Variants in TRIM69 observed in about 807,000 individuals in gnomAD.
TRIM69 encodes the protein tripartite motif containing 69, also known as E3 ubiquitin-protein ligase TRIM69.
In TRIM69, 29 loss-of-function variants were observed where a neutral mutation model predicts 37.7. That is an observed-to-expected ratio of 0.77 (90% CI 0.57 to 1.05). The LOEUF (loss-of-function observed/expected upper bound fraction) is 1.05, where lower values mean the gene tolerates loss of function less well. TRIM69 is among the 50% of genes least tolerant of loss of function. The probability of loss-of-function intolerance (pLI) is 0.00; values close to 1 mark genes in which losing one functional copy is unlikely to be tolerated. For synonymous variants in TRIM69, 209 were observed against 212.4 expected, an observed-to-expected ratio of 0.98 and a Z score of 0.14; for missense variants, 596 against 579.9, an observed-to-expected ratio of 1.03 and a Z score of -0.28.
chr15:44,755,277 A>G lies in TRIM69; in HGVS notation c.384A>G (p.Pro128=), dbSNP rs762294525. ...HGENLKLFSK[P]DGKLICFQCK... The stretch of plus-strand genomic sequence containing the variant: ...AGAACCTGAAACTGTTCAGTAAACC[A>G]GATGGGAAACTGATCTGCTTTCAAT... Residue 128 remains proline (P), a synonymous_variant, in exon 2 of 7, where the codon CCA becomes CCG. Transcript: ENST00000329464. The G allele has an allele frequency of 1.9e-6, 3 of 1,614,222 alleles. No individual in the cohort carries two copies. In the South Asian group the frequency reaches 3.3e-5, roughly 18 times the overall value.
At chr15:44,764,542 C>T (rs2087847613) in intron 6 of TRIM69, among the ~76,000 whole-genome samples, 1 of 152,242 alleles carries the variant, frequency 6.6e-6, no homozygotes, top group East Asian at 1.9e-4. Flanking sequence ...ATATTTTAGG[C>T]CTTGCAGGTG....
At chr15:44,750,033 T>C (rs2087486474) in intron 1 of TRIM69, among the ~76,000 whole-genome samples, 1 of 152,236 alleles carries the variant, frequency 6.6e-6, no homozygotes, top group African/African-American at 2.4e-5. Context: ...CTTCTTTGCA[T>C]AATTGTCTAT....
intron 1 of TRIM69, among the ~76,000 whole-genome samples, chr15:44,748,825 CAA>C (rs375092348): frequency 3.9e-3 from 444 of 114,208 alleles, no homozygotes; most frequent in Middle Eastern, 0.014. Context: ...GACTTTGTCT[CAA>C]AAAAAAAAAA....
chr15:44,755,457 C>T, intron 2 of TRIM69, 81 bp downstream of exon 2: 1 of 1,015,204 alleles, frequency 9.9e-7, no homozygotes, highest in Non-Finnish European at 1.5e-6. Flanking sequence ...TCTTCCAACC[C>T]CATCCCTTTA....
At chr15:44,759,190 T>C (rs2087720582) in intron 4 of TRIM69, among the ~76,000 whole-genome samples, 1 of 152,240 alleles carries the variant, frequency 6.6e-6, no homozygotes, top group Non-Finnish European at 1.5e-5. Flanking sequence ...TCTTTGGCTC[T>C]CAGCAATCAT....
chr15:44,746,776 ACATCT>A (rs1429443057), intron 1 of TRIM69, among the ~76,000 whole-genome samples: 2 of 138,076 alleles, frequency 1.4e-5, no homozygotes, highest in African/African-American at 5.2e-5. Context: ...ACACACACAC[ACATCT>A]TTCTTTAAAT....
chr15:44,749,413 G>T (rs1426164986), intron 1 of TRIM69, among the ~76,000 whole-genome samples: 5 of 151,982 alleles, frequency 3.3e-5, no homozygotes, highest in Non-Finnish European at 5.9e-5. Flanking sequence ...CTCCAGCCCT[G>T]GCAACCAATG....
chr15:44,759,770 C>A lies in TRIM69; in HGVS notation c.859C>A (p.Leu287Met), dbSNP rs761506234. 2 of 1,614,074 alleles carry A rather than the reference C, an allele frequency of 1.2e-6. No individual in the cohort carries two copies. The highest frequency in any genetic ancestry group is 3.3e-5 in the Admixed American group (2 of 60,010). The change falls in exon 6 of 7, where the codon CTG becomes ATG. Residue 287 changes from leucine to methionine, a missense_variant. By Grantham distance (15) the Leu-to-Met change is conservative. Coordinates refer to ENST00000329464, the MANE Select transcript of TRIM69 (RefSeq NM_182985.5). Reference protein sequence around the residue: ...LHSLEQGMKVLATRELISRKL... With the variant: ...LHSLEQGMKVMATRELISRKL... ...CAGCTTGGAGCAAGGAATGAAGGTG[C>A]TGGCAACCAGAGAGCTTATTTCCAG...
rs147224384 is a variant in TRIM69, at chr15:44,758,842, C to A, written c.801C>A (p.Phe267Leu). ...IQAKTEQQNSFDFLKDITTLL... is the reference protein window; with the variant it reads ...IQAKTEQQNSLDFLKDITTLL... ...CAAAGACGGAACAACAGAACTCCTT[C>A]GACTTTCTCAAAGTGAGAATCCACA... is the stretch of plus-strand genomic sequence containing the variant. Residue 267 changes from phenylalanine to leucine, a missense_variant, in exon 4 of 7, where the codon TTC (phenylalanine) becomes TTA (leucine). Coordinates refer to ENST00000329464, the MANE Select transcript of TRIM69 (RefSeq NM_182985.5). 7 of 1,612,550 alleles carry A rather than the reference C, an allele frequency of 4.3e-6. No individual in the cohort carries two copies. The Middle Eastern group carries it at 4.9e-4, about 114-fold the overall frequency.
chr15:44,763,444 G>T (rs1257766880), intron 6 of TRIM69, among the ~76,000 whole-genome samples: 1 of 152,178 alleles, frequency 6.6e-6, no homozygotes, highest in African/African-American at 2.4e-5. Flanking sequence ...GGCTGAGGAA[G>T]TGTCTGTCAG....
intron 1 of TRIM69, among the ~76,000 whole-genome samples, chr15:44,738,086 T>C (rs1187260319): frequency 7.0e-6 from 1 of 142,112 alleles, no homozygotes; most frequent in African/African-American, 2.7e-5. Context: ...TAGGACAGAG[T>C]CTCACTCTCT....
chr15:44,744,466 A>T (rs1414966734), intron 1 of TRIM69, among the ~76,000 whole-genome samples: 1 of 152,104 alleles, frequency 6.6e-6, no homozygotes, highest in Non-Finnish European at 1.5e-5. Flanking sequence ...TAATAATAAA[A>T]AAAATGGTGG....
At chr15:44,747,007 T>A (rs941503911) in intron 1 of TRIM69, among the ~76,000 whole-genome samples, 2 of 152,068 alleles carry the variant, frequency 1.3e-5, no homozygotes, top group Non-Finnish European at 2.9e-5. Context: ...ATAGTGAAAG[T>A]CAAGCAGGAA....
chr15:44,737,301 A>G (rs2087182232), intron 1 of TRIM69, among the ~76,000 whole-genome samples: 1 of 152,182 alleles, frequency 6.6e-6, no homozygotes, highest in Non-Finnish European at 1.5e-5. Context: ...CACTTCTTAT[A>G]AAGTTTAATT....
intron 1 of TRIM69, among the ~76,000 whole-genome samples, chr15:44,741,292 G>A (rs1287979205): frequency 6.6e-6 from 1 of 152,102 alleles, no homozygotes; most frequent in Admixed American, 6.5e-5. Context: ...CAACATACCA[G>A]AATCTCTGGG....
In TRIM69 at chr15:44,767,647, A is replaced by G; in HGVS notation, c.1378A>G (p.Lys460Glu). 2 of 1,614,204 alleles carry G rather than the reference A, an allele frequency of 1.2e-6. No individual in the cohort carries two copies. Among genetic ancestry groups the G allele is most frequent in the South Asian group, 1.1e-5 (1 of 91,090 alleles). Reference protein sequence around the residue: ...EGGQLSFYNAKTMTHIYTFSN... With the variant: ...EGGQLSFYNAETMTHIYTFSN... Reference sequence around the variant, plus strand: ...AGGACAGTTGTCCTTCTACAATGCTAAAACCATGACTCACATTTACACCTT... The same window carrying G: ...AGGACAGTTGTCCTTCTACAATGCTGAAACCATGACTCACATTTACACCTT... Residue 460 changes from lysine (K) to glutamate (E), a missense_variant, in exon 7 of 7, where the codon AAA becomes GAA. Lys to Glu is a moderately conservative substitution (Grantham distance 56). Coordinates refer to ENST00000329464, the MANE Select transcript of TRIM69 (RefSeq NM_182985.5).
Position 44,759,927 on chromosome 15 carries a change from G to C in TRIM69, c.961+55G>C, listed in dbSNP as rs910017204. 5 of 1,569,908 alleles carry C rather than the reference G, an allele frequency of 3.2e-6. No individual in the cohort carries two copies. In the African/African-American group the frequency reaches 5.4e-5, roughly 17 times the overall value. On this transcript the variant is annotated intron_variant, in intron 6 of 6. Transcript: ENST00000329464. ...GAGGCTCCTAATCTACGTTTAATCTGTGGGACTTCTTCTGTGGCCCTAATT... is the reference window on the plus strand; with the variant it reads ...GAGGCTCCTAATCTACGTTTAATCTCTGGGACTTCTTCTGTGGCCCTAATT...
At chr15:44,740,239 A>G (rs2087252046) in intron 1 of TRIM69, among the ~76,000 whole-genome samples, 1 of 152,234 alleles carries the variant, frequency 6.6e-6, no homozygotes, top group Non-Finnish European at 1.5e-5. Flanking sequence ...GTACATCACC[A>G]TCGTCAAAGA....
intron 6 of TRIM69, among the ~76,000 whole-genome samples, chr15:44,763,201 A>C (rs950821491): frequency 6.6e-6 from 1 of 152,146 alleles, no homozygotes; most frequent in African/African-American, 2.4e-5. Flanking sequence ...TGGCTGTGAC[A>C]GTTTCTCAGG....
Sources: allele counts gnomAD v4.1 joint callset (sites outside exome capture counted in the v4.1 genomes callset), GRCh38; gene constraint gnomAD v4.1.1; transcripts MANE v1.5; gene names NCBI Gene and HGNC (gene_info 2026-07-23, HGNC 2026-07-21).